Variants in IQSEC1 observed in about 807,000 individuals in gnomAD.
IQSEC1 encodes the protein IQ motif and Sec7 domain ArfGEF 1.
Under a neutral mutation model 91.0 loss-of-function variants are expected in IQSEC1, and 31 were observed. The ratio of observed to expected loss-of-function variants is 0.34; its 90% CI spans 0.26 to 0.46. The LOEUF is 0.46. IQSEC1 is among the 20% of genes least tolerant of loss of function. The pLI is 1.00. For missense variants in IQSEC1, 1,388 were observed against 1,575.6 expected, an observed-to-expected ratio of 0.88 and a Z score of 2.02; for synonymous variants, 699 against 662.6, an observed-to-expected ratio of 1.05 and a Z score of -0.84.
At chr3:13,026,196 C>T (rs1703605977) in intron 1 of IQSEC1, among the ~76,000 whole-genome samples, 1 of 152,232 alleles carries the variant, frequency 6.6e-6, no homozygotes, top group Non-Finnish European at 1.5e-5. Flanking sequence ...TGATGGGTGG[C>T]TGTTTGCACC....
intron 2 of IQSEC1, among the ~76,000 whole-genome samples, chr3:13,149,911 T>C (rs1706966362): frequency 1.3e-5 from 2 of 152,144 alleles, no homozygotes; most frequent in African/African-American, 4.8e-5. Flanking sequence ...AAATGAAAAC[T>C]GAAAGTAAAA....
At position 13,073,053 on chromosome 3, in the gene IQSEC1, C is replaced by G; in HGVS notation, c.-39G>C. 1 of 1,551,582 alleles carries G rather than the reference C, an allele frequency of 6.4e-7. No individual in the cohort carries two copies. ...GTTCTTCCCTGTTCTGGCTCCCTCT[C>G]CAGCGGGGAGGCTCAACGTGTTTCC... On this transcript the variant is annotated 5_prime_UTR_variant, in exon 1 of 14. Transcript: ENST00000613206.
At position 12,924,611 on chromosome 3, in the gene IQSEC1, C is replaced by T. The variant is rs141779654; in HGVS notation, c.1700G>A (p.Arg567Gln). Residue 567 changes from arginine to glutamine, a missense_variant, in exon 4 of 14, where the codon CGG becomes CAG. Around this residue, in one of 2 missense-constraint regions of IQSEC1, gnomAD observed 1,059 missense variants for 1,317.8 expected, o/e 0.80. Coordinates refer to ENST00000613206, the MANE Select transcript of IQSEC1 (RefSeq NM_001134382.3). This position sits in a 1 kb window ranked among gnomAD's most constrained non-coding sequence, Gnocchi z 6.3. ...RQMIGEFLGN[R>Q]QKQFNRDVLD... ...CACGTCACGGTTGAACTGCTTCTGC[C>T]GGTTGCCCAGGAACTCGCCGATCAT... The T allele has an allele frequency of 2.5e-5, 40 of 1,609,044 alleles. No individual in the cohort carries two copies. The highest frequency in any genetic ancestry group is 4.5e-5 in the East Asian group (2 of 44,636).
At chr3:13,185,512 A>AT (rs1375950561) in intron 1 of IQSEC1, among the ~76,000 whole-genome samples, 1 of 152,218 alleles carries the variant, frequency 6.6e-6, no homozygotes, top group Non-Finnish European at 1.5e-5. Flanking sequence ...ACCTCAGCAG[A>AT]TATTTCAGTG....
In IQSEC1 at chr3:12,922,394, C is replaced by T. The variant is rs1167011332; in HGVS notation, c.1731-152G>A. ...GACTCCGACCAATCAGCCAAGAGCC[C>T]TCAGAATGCAGCAAAAAGACCTCCA... On this transcript the variant is annotated intron_variant, in intron 4 of 13. Transcript: ENST00000613206. This position sits in a 1 kb window ranked among gnomAD's most constrained non-coding sequence, Gnocchi z 5.1. 4 of 973,500 alleles carry T rather than the reference C, an allele frequency of 4.1e-6. No homozygotes were observed. In the African/African-American group the frequency reaches 6.7e-5, roughly 16 times the overall value. The allele number at this position is 973,500 out of a possible 1,614,324, so 60.3% of individuals were successfully genotyped here. A position where few individuals can be genotyped will look rare whatever the true frequency, so the allele number is the denominator to read the frequency against.
intron 1 of IQSEC1, among the ~76,000 whole-genome samples, chr3:12,995,577 G>C (rs1323708509): frequency 6.6e-6 from 1 of 152,194 alleles, no homozygotes; most frequent in Non-Finnish European, 1.5e-5. Flanking sequence ...GCTGGGATTT[G>C]AACACCCACC....
intron 1 of IQSEC1, among the ~76,000 whole-genome samples, chr3:13,198,372 T>A (rs979723997): frequency 3.3e-5 from 5 of 152,060 alleles, no homozygotes; most frequent in African/African-American, 1.2e-4. Context: ...CCCTGGAGGT[T>A]CTGGGTGGCT....
rs573045822 is a variant in IQSEC1, at chr3:12,903,024, T to C, written c.2756-202A>G. Among the ~76,000 whole-genome samples the C allele has an allele frequency of 7.5e-4, 114 of 152,090 alleles. No individual in the cohort carries two copies. Among genetic ancestry groups the C allele is most frequent in the South Asian group, 1.2e-3 (6 of 4,822 alleles). Reference sequence around the variant, plus strand: ...AAGCCAGCAGCAGTGCAAGAATGAATTTTAAAAATAAAGTTTTCGAAAAGC... The same window carrying C: ...AAGCCAGCAGCAGTGCAAGAATGAACTTTAAAAATAAAGTTTTCGAAAAGC... On this transcript the variant is annotated intron_variant, in intron 12 of 13. Coordinates refer to ENST00000613206, the MANE Select transcript of IQSEC1 (RefSeq NM_001134382.3).
At chr3:13,081,320 G>A (rs1398545280) in intron 2 of IQSEC1, among the ~76,000 whole-genome samples, 1 of 152,188 alleles carries the variant, frequency 6.6e-6, no homozygotes, top group Non-Finnish European at 1.5e-5. Context: ...CCAGTCTGGA[G>A]TACAGTGGCA....
Position 13,103,152 on chromosome 3 carries a change from G to A in IQSEC1, c.303-55630C>T, listed in dbSNP as rs928676796. On this transcript the variant is annotated intron_variant, in intron 2 of 15. Transcript: ENST00000648114. This position sits in a 1 kb window ranked among gnomAD's most constrained non-coding sequence, Gnocchi z 4.1. ...CAGCCCCTCCCTGGCCCATGTCCCC[G>A]GCTGGCCCCAGGCAGGTCAGTTCAG... is the stretch of plus-strand genomic sequence containing the variant. Among the ~76,000 whole-genome samples the A allele has an allele frequency of 8.6e-5, 13 of 152,010 alleles. No individual in the cohort carries two copies. Among genetic ancestry groups the A allele is most frequent in the African/African-American group, 2.4e-4 (10 of 41,392 alleles).
Position 12,967,352 on chromosome 3 carries a change from C to T in IQSEC1, c.24-25487G>A, listed in dbSNP as rs1471930641. 1 of 1,517,434 alleles carries T rather than the reference C, an allele frequency of 6.6e-7. No individual in the cohort carries two copies. Among genetic ancestry groups the T allele is most frequent in the Non-Finnish European group, 8.8e-7 (1 of 1,132,744 alleles). The allele number at this position is 1,517,434 out of a possible 1,614,324, so 94.0% of individuals were successfully genotyped here. A position where few individuals can be genotyped will look rare whatever the true frequency, so the allele number is the denominator to read the frequency against. On this transcript the variant is annotated intron_variant, in intron 1 of 13. Transcript: ENST00000613206. This position sits in a 1 kb window ranked among gnomAD's most constrained non-coding sequence, Gnocchi z 5.9. ...CCTGCGCCAGCCCACCGCTCAGCAC[C>T]CGGGAAGGCCGCTCGCCCCGCGCCG... is the stretch of plus-strand genomic sequence containing the variant.
intron 2 of IQSEC1, among the ~76,000 whole-genome samples, chr3:13,162,553 C>T (rs975910029): frequency 6.6e-6 from 1 of 152,206 alleles, no homozygotes; most frequent in East Asian, 1.9e-4. Flanking sequence ...GCACTGGAGG[C>T]CCTGCCCCTT....
At chr3:13,081,588 A>T (rs984707780) in intron 2 of IQSEC1, among the ~76,000 whole-genome samples, 2 of 152,224 alleles carry the variant, frequency 1.3e-5, no homozygotes, top group Admixed American at 1.3e-4. Flanking sequence ...TTTATTTTTC[A>T]AAGTTTCTAC....
At chr3:13,083,963 C>G (rs1022041350) in intron 2 of IQSEC1, among the ~76,000 whole-genome samples, 2 of 152,234 alleles carry the variant, frequency 1.3e-5, no homozygotes, top group African/African-American at 4.8e-5. Context: ...TTCCCCCCAT[C>G]CCCTAGCCTT....
chr3:12,934,124 C>T (rs992049050), intron 3 of IQSEC1, among the ~76,000 whole-genome samples: 2 of 152,224 alleles, frequency 1.3e-5, no homozygotes, highest in Non-Finnish European at 1.5e-5. Context: ...CAACCCTCCC[C>T]TGTCCAGCGC....
intron 2 of IQSEC1, among the ~76,000 whole-genome samples, chr3:13,115,295 C>G (rs890744183): frequency 6.6e-6 from 1 of 152,208 alleles, no homozygotes; most frequent in Non-Finnish European, 1.5e-5. Flanking sequence ...CCTCTCCCCT[C>G]TCACTCTGGG....
At chr3:12,904,775 C>A (rs1361999994) in intron 12 of IQSEC1, among the ~76,000 whole-genome samples, 2 of 152,200 alleles carry the variant, frequency 1.3e-5, no homozygotes, top group Non-Finnish European at 2.9e-5. Flanking sequence ...ATGGCCTCCC[C>A]GTCTGTAACC....
chr3:13,086,467 C>T (rs1303885524), intron 2 of IQSEC1, among the ~76,000 whole-genome samples: 1 of 152,204 alleles, frequency 6.6e-6, no homozygotes, highest in African/African-American at 2.4e-5. Context: ...TGGGAACCAG[C>T]GGGCGTCTTT....
chr3:12,900,004 A>C lies in IQSEC1; in HGVS notation c.*979T>G. The C allele has an allele frequency of 2.0e-6, 2 of 985,400 alleles. No homozygotes were observed. Among genetic ancestry groups the C allele is most frequent in the Non-Finnish European group, 2.4e-6 (2 of 829,938 alleles). The allele number at this position is 985,400 out of a possible 1,614,324, so 61.0% of individuals were successfully genotyped here. A position where few individuals can be genotyped will look rare whatever the true frequency, so the allele number is the denominator to read the frequency against. On this transcript the variant is annotated 3_prime_UTR_variant, in exon 14 of 14. Coordinates refer to ENST00000613206, the MANE Select transcript of IQSEC1 (RefSeq NM_001134382.3). ...ATGGAGAGTCACAGTTATCGCAGCC[A>C]TTAAAGTGTCTAAGAATCCGTGTAA...
Sources: gnomAD v4.1 joint callset for allele counts (sites outside exome capture counted in the v4.1 genomes callset) on GRCh38, gnomAD v4.1.1 for gene constraint, gnomAD v4.1.1 regional missense constraint, Gnocchi (gnomAD v3.1) non-coding constraint, MANE v1.5 for transcripts, NCBI Gene and HGNC (gene_info 2026-07-23, HGNC 2026-07-21) for gene names.